Variants in CPS1 observed in about 807,000 individuals in gnomAD.
CPS1 encodes the protein carbamoyl-phosphate synthase [ammonia], mitochondrial.
Under a neutral mutation model 174.6 loss-of-function variants are expected in CPS1, and 109 were observed. That is an observed-to-expected ratio of 0.62 (90% CI 0.53 to 0.73). CPS1 has a LOEUF of 0.73. CPS1 is among the 30% of genes least tolerant of loss of function. The pLI is 0.00. For missense variants in CPS1, 1,689 were observed against 1,821.9 expected (o/e 0.93, Z 1.33); for synonymous variants, 637 against 632.0 (o/e 1.01, Z -0.12).
At chr2:210,664,150 A>G (rs74566181) in intron 33 of CPS1, among the ~76,000 whole-genome samples, 1,574 of 152,046 alleles carry the variant, frequency 0.01, 12 homozygotes, top group Middle Eastern at 0.017. Context: ...CTTTTAATTT[A>G]AGGGCAAAAA....
At chr2:210,521,048 T>C (rs983278383) in intron 1 of CPS1, among the ~76,000 whole-genome samples, 1 of 152,036 alleles carries the variant, frequency 6.6e-6, no homozygotes, top group Non-Finnish European at 1.5e-5. Flanking sequence ...GGTTGCAACA[T>C]TTTATATTCC....
intron 1 of CPS1, among the ~76,000 whole-genome samples, chr2:210,529,797 A>G (rs1574495335): frequency 6.6e-6 from 1 of 151,952 alleles, no homozygotes; most frequent in Non-Finnish European, 1.5e-5. Flanking sequence ...ATTTGGTTTC[A>G]TCTTAACTGC....
chr2:210,592,760 TTTG>T (rs1476159987), intron 10 of CPS1, 116 bp from the exon 11 acceptor site: 6 of 927,252 alleles, frequency 6.5e-6, no homozygotes, highest in African/African-American at 4.9e-5. Flanking sequence ...TTACAAAAAT[TTTG>T]TTAAGCATCT....
intron 25 of CPS1, among the ~76,000 whole-genome samples, chr2:210,643,914 G>A (rs1418697266): frequency 6.6e-6 from 1 of 151,998 alleles, no homozygotes; most frequent in African/African-American, 2.4e-5. Flanking sequence ...GTAAATCCAG[G>A]TTCAGTATGA....
chr2:210,674,465 C>T, intron 34 of CPS1: 1 of 150,566 alleles, frequency 6.6e-6, no homozygotes, highest in Non-Finnish European at 1.4e-5. Context: ...GCAAAAAACC[C>T]CATCTCAAAA....
intron 21 of CPS1, among the ~76,000 whole-genome samples, chr2:210,632,584 A>AC (rs1304771248): frequency 6.6e-6 from 1 of 152,216 alleles, no homozygotes; most frequent in African/African-American, 2.4e-5. Context: ...CAGAGAATTG[A>AC]CCTGCTTCCA....
intron 1 of CPS1, among the ~76,000 whole-genome samples, chr2:210,510,669 A>G (rs1384686077): frequency 6.6e-6 from 1 of 152,206 alleles, no homozygotes; most frequent in Non-Finnish European, 1.5e-5. Flanking sequence ...ATCTACAAAG[A>G]ACTCAAACAA....
At chr2:210,529,001 T>C (rs1394645727) in intron 1 of CPS1, among the ~76,000 whole-genome samples, 1 of 151,650 alleles carries the variant, frequency 6.6e-6, no homozygotes, top group African/African-American at 2.4e-5. Context: ...GGGGAGGAGA[T>C]TATTATATGT....
At chr2:210,500,795 G>A (rs1379482600) in intron 1 of CPS1, among the ~76,000 whole-genome samples, 2 of 152,178 alleles carry the variant, frequency 1.3e-5, no homozygotes, top group Non-Finnish European at 1.5e-5. Flanking sequence ...TCTGGAGGAT[G>A]GTGGCCCTCT....
chr2:210,619,349 T>TTTAA (rs1467290855), intron 21 of CPS1: 1 of 152,090 alleles, frequency 6.6e-6, no homozygotes, highest in Non-Finnish European at 1.5e-5. Context: ...CTAGTTTTTT[T>TTTAA]GTGAAGCTTA....
chr2:210,673,904 T>G (rs551133975), intron 34 of CPS1: 5 of 151,872 alleles, frequency 3.3e-5, no homozygotes, highest in Admixed American at 3.3e-4. Flanking sequence ...AAAAAAAAAG[T>G]TGAAATACTA....
intron 1 of CPS1, among the ~76,000 whole-genome samples, chr2:210,539,205 G>A (rs2544306): frequency 0.38 from 58,159 of 151,812 alleles, 11,468 homozygotes; most frequent in Middle Eastern, 0.51. Context: ...GGTGACATGG[G>A]GAACACCTGT....
At chr2:210,596,553 T>C (rs765385784) in intron 13 of CPS1, among the ~76,000 whole-genome samples, 8 of 151,984 alleles carry the variant, frequency 5.3e-5, no homozygotes, top group South Asian at 4.1e-4. Context: ...CTTTACTCTT[T>C]TTCCCATTTG....
At chr2:210,527,731 G>A (rs536212906) in intron 1 of CPS1, among the ~76,000 whole-genome samples, 14 of 151,856 alleles carry the variant, frequency 9.2e-5, no homozygotes, top group African/African-American at 3.4e-4. Context: ...ACTTACCCAT[G>A]AAGTATCGTG....
At chr2:210,505,154 G>A (rs1695244341) in intron 1 of CPS1, among the ~76,000 whole-genome samples, 1 of 151,804 alleles carries the variant, frequency 6.6e-6, no homozygotes. Flanking sequence ...ATTTCCAAGG[G>A]AGTACAATCA....
At chr2:210,662,125 A>T (rs1046723811) in intron 32 of CPS1, among the ~76,000 whole-genome samples, 1 of 151,902 alleles carries the variant, frequency 6.6e-6, no homozygotes, top group African/African-American at 2.4e-5. Context: ...CATGTTGGCA[A>T]AGTTGGTCTT....
intron 21 of CPS1, among the ~76,000 whole-genome samples, chr2:210,624,746 T>G (rs1699644842): frequency 6.6e-6 from 1 of 152,010 alleles, no homozygotes; most frequent in South Asian, 2.1e-4. Flanking sequence ...GATTGTGCAT[T>G]TTTGAATTTG....
rs1373719431 is a variant in CPS1 at position 210,513,088 on chromosome 2, A to G, written c.3+35322A>G. Among the ~76,000 whole-genome samples the G allele has an allele frequency of 1.5e-5, 2 of 136,244 alleles. 1 individual carries two copies. Among genetic ancestry groups the G allele is most frequent in the Non-Finnish European group, 3.1e-5 (2 of 63,504 alleles). 89.4% of individuals were successfully genotyped at this position (136,244 alleles called of 152,430 possible). A position where few individuals can be genotyped will look rare whatever the true frequency, so the allele number is the denominator to read the frequency against. Reference sequence around the variant, plus strand: ...TATATATGTGGAGATATATATATGGAGATACATATATATGGGGATATATAT... The same window carrying G: ...TATATATGTGGAGATATATATATGGGGATACATATATATGGGGATATATAT... On this transcript the variant is annotated intron_variant, in intron 1 of 38. Transcript: ENST00000430249.
At chr2:210,500,362 A>G (rs1420601183) in intron 1 of CPS1, among the ~76,000 whole-genome samples, 1 of 152,162 alleles carries the variant, frequency 6.6e-6, no homozygotes, top group African/African-American at 2.4e-5. Context: ...TTCCAGCATT[A>G]ACCCAAAAGT....
Sources: allele counts gnomAD v4.1 joint callset (sites outside exome capture counted in the v4.1 genomes callset), GRCh38; gene constraint gnomAD v4.1.1; transcripts MANE v1.5; gene names NCBI Gene and HGNC (gene_info 2026-07-23, HGNC 2026-07-21).